SMAD3: variants seen among roughly 807,000 people sequenced by gnomAD.
SMAD3 encodes the protein SMAD family member 3, also known as MAD homolog 3.
A neutral mutation model predicts 51.8 loss-of-function variants in SMAD3; 12 were observed. The ratio of observed to expected loss-of-function variants is 0.23; its 90% CI spans 0.15 to 0.38. The LOEUF (loss-of-function observed/expected upper bound fraction) is 0.38. Among genes scored for constraint, SMAD3 ranks in the 10% least tolerant of loss-of-function variants. SMAD3 has a pLI of 1.00. For missense variants in SMAD3, 294 were observed against 565.6 expected (o/e 0.52, Z 4.87); for synonymous variants, 238 against 227.7 (o/e 1.05, Z -0.41).
intron 1 of SMAD3, among the ~76,000 whole-genome samples, chr15:67,162,645 T>C (rs1381397075): frequency 6.6e-6 from 1 of 152,074 alleles, no homozygotes. Context: ...TCAAGCCAGC[T>C]CTCTCTCATG....
intron 1 of SMAD3, among the ~76,000 whole-genome samples, chr15:67,088,648 G>T (rs890767701): frequency 1.3e-5 from 2 of 152,198 alleles, no homozygotes; most frequent in African/African-American, 4.8e-5. Context: ...GGGATGCTAA[G>T]GCCGGGTGCG....
At chr15:67,182,998 AAAATATATATATATATAT>A (rs1963111136) in intron 6 of SMAD3, among the ~76,000 whole-genome samples, 3 of 49,084 alleles carry the variant, frequency 6.1e-5, no homozygotes, top group African/African-American at 2.6e-4. Flanking sequence ...AAAAAAAAAA[AAAATATATATATATATAT>A]ATATATATAT....
At chr15:67,098,876 G>A (rs1960682315) in intron 1 of SMAD3, 2 of 701,692 alleles carry the variant, frequency 2.9e-6, no homozygotes, top group African/African-American at 1.8e-5. Flanking sequence ...ATACATGGAT[G>A]GGAGGGTGGA....
intron 1 of SMAD3, among the ~76,000 whole-genome samples, chr15:67,085,836 A>C (rs1960375919): frequency 6.6e-6 from 1 of 151,510 alleles, no homozygotes. Flanking sequence ...TTCTGGGTGG[A>C]AAGTGATAGT....
Position 67,192,763 on chromosome 15 carries a change from G to A in SMAD3, c.*2227G>A, listed in dbSNP as rs11638476. 0.32 allele frequency: 75,281 copies of A among 231,922 alleles called. 15,009 individuals are homozygous for A. The highest frequency in any genetic ancestry group is 0.45 in the Non-Finnish European group (52,710 of 117,172). The allele number at this position is 231,922 out of a possible 1,614,324, so 14.4% of individuals were successfully genotyped here. On this transcript the variant is annotated 3_prime_UTR_variant, in exon 9 of 9. Transcript: ENST00000327367. ...GTCGTGTCTTACTCCAGGTGAAGGG[G>A]GAAAAAAAAAGCCTATACTTTGGCA...
chr15:67,163,013 G>T lies in SMAD3; in HGVS notation c.207-1882G>T, dbSNP rs550299809. On this transcript the variant is annotated intron_variant, in intron 1 of 8. Coordinates refer to ENST00000327367, the MANE Select transcript of SMAD3 (RefSeq NM_005902.4). Reference sequence around the variant, plus strand: ...ATTTGAAACGGAGTCTTGCTCTGTCGCCCAGGCTGGAGTGCAGTGGCACAA... The same window carrying T: ...ATTTGAAACGGAGTCTTGCTCTGTCTCCCAGGCTGGAGTGCAGTGGCACAA... Among the ~76,000 whole-genome samples the T allele has an allele frequency of 6.9e-4, 105 of 151,896 alleles. 1 individual carries two copies. The highest frequency in any genetic ancestry group is 1.7e-3 in the African/African-American group (72 of 41,428).
At chr15:67,165,112 G>A (rs1353831379) in intron 2 of SMAD3, 24 bp downstream of exon 2, 41 of 1,613,218 alleles carry the variant, frequency 2.5e-5, no homozygotes, top group Non-Finnish European at 3.2e-5. Flanking sequence ...CCTGCCTGTG[G>A]GGACAGCAGG....
rs1326530653 is a variant in SMAD3, at chr15:67,065,667, G to C, written c.-488G>C. On this transcript the variant is annotated 5_prime_UTR_variant, in exon 1 of 9. Transcript: ENST00000327367. The stretch of plus-strand genomic sequence containing the variant: ...CACGCCCCGGGCCGGCCCAGCCAGC[G>C]AGCGAGCGAGCGGCGAGCCGGGAGG... Among the ~76,000 whole-genome samples the C allele has an allele frequency of 1.3e-5, 2 of 151,460 alleles. No individual in the cohort carries two copies. Among genetic ancestry groups the C allele is most frequent in the Non-Finnish European group, 3.0e-5 (2 of 67,762 alleles).
At chr15:67,124,084 C>A (rs1961328940) in intron 1 of SMAD3, among the ~76,000 whole-genome samples, 1 of 152,178 alleles carries the variant, frequency 6.6e-6, no homozygotes, top group South Asian at 2.1e-4. Context: ...AACTCCTGGG[C>A]TCAAATGATC....
chr15:67,157,747 C>T (rs1353676734), intron 1 of SMAD3, among the ~76,000 whole-genome samples: 1 of 152,198 alleles, frequency 6.6e-6, no homozygotes, highest in Non-Finnish European at 1.5e-5. Flanking sequence ...CAGGCTTCAC[C>T]TTCACCATCG....
At chr15:67,111,581 T>C (rs931785019) in intron 1 of SMAD3, among the ~76,000 whole-genome samples, 1 of 152,206 alleles carries the variant, frequency 6.6e-6, no homozygotes, top group South Asian at 2.1e-4. Context: ...TTTTCCAAAG[T>C]GGTTGTGTGG....
chr15:67,074,660 A>G (rs1960128911), intron 1 of SMAD3, among the ~76,000 whole-genome samples: 1 of 151,952 alleles, frequency 6.6e-6, no homozygotes, highest in South Asian at 2.1e-4. Context: ...ATTGTATTGT[A>G]TTGTTTGTTT....
At chr15:67,068,931 A>G (rs1959987956) in intron 1 of SMAD3, among the ~76,000 whole-genome samples, 1 of 152,200 alleles carries the variant, frequency 6.6e-6, no homozygotes, top group Non-Finnish European at 1.5e-5. Flanking sequence ...TGGAAAGTAG[A>G]GAAAGGAAAA....
At chr15:67,079,289 A>G (rs1388226995) in intron 1 of SMAD3, among the ~76,000 whole-genome samples, 1 of 152,104 alleles carries the variant, frequency 6.6e-6, no homozygotes, top group African/African-American at 2.4e-5. Flanking sequence ...CCCGCATATT[A>G]TTTCTTTATG....
At chr15:67,106,603 T>G (rs1960882305) in intron 1 of SMAD3, among the ~76,000 whole-genome samples, 1 of 152,228 alleles carries the variant, frequency 6.6e-6, no homozygotes, top group Non-Finnish European at 1.5e-5. Context: ...GGGCCATTTC[T>G]TTTGTTCTCT....
At chr15:67,144,733 T>C (rs902876431) in intron 1 of SMAD3, among the ~76,000 whole-genome samples, 4 of 152,206 alleles carry the variant, frequency 2.6e-5, no homozygotes, top group Non-Finnish European at 5.9e-5. Context: ...ATGCTGTCTT[T>C]GCAAAAATGT....
chr15:67,067,054 C>T (rs951799865), intron 1 of SMAD3, among the ~76,000 whole-genome samples: 11 of 152,274 alleles, frequency 7.2e-5, no homozygotes, highest in Non-Finnish European at 1.2e-4. Flanking sequence ...ATAGGGTCTT[C>T]TCCCACCTCC....
rs557981824 is a variant in SMAD3, at chr15:67,088,608, G to A, written c.206+22248G>A. Among the ~76,000 whole-genome samples, 3 of 152,270 alleles carry A rather than the reference G, an allele frequency of 2.0e-5. No homozygotes were observed. In the South Asian group the frequency reaches 6.2e-4, roughly 32 times the overall value. On this transcript the variant is annotated intron_variant, in intron 1 of 8. Coordinates refer to ENST00000327367, the MANE Select transcript of SMAD3 (RefSeq NM_005902.4). Reference sequence around the variant, plus strand: ...AGGCTATTTCAGAATGCTCCCGAGTGGGAGGGGGCAGCTGCTCTAGGGTGG... The same window carrying A: ...AGGCTATTTCAGAATGCTCCCGAGTAGGAGGGGGCAGCTGCTCTAGGGTGG...
At chr15:67,140,668 A>G (rs916082654) in intron 1 of SMAD3, among the ~76,000 whole-genome samples, 16 of 152,214 alleles carry the variant, frequency 1.1e-4, no homozygotes, top group African/African-American at 3.4e-4. Context: ...TGCGAACCCA[A>G]CTGTCCTGAA....
Sources: gnomAD v4.1 joint callset for allele counts (sites outside exome capture counted in the v4.1 genomes callset) on GRCh38, gnomAD v4.1.1 for gene constraint, MANE v1.5 for transcripts, NCBI Gene and HGNC (gene_info 2026-07-23, HGNC 2026-07-21) for gene names.